The following PPP2R3A variants were observed in gnomAD, a reference collection of about 807,000 sequenced individuals.
PPP2R3A encodes the protein protein phosphatase 2 regulatory subunit B''alpha.
Under a neutral mutation model 106.9 loss-of-function variants are expected in PPP2R3A, and 80 were observed. The ratio of observed to expected loss-of-function variants is 0.75; its 90% CI spans 0.62 to 0.90. PPP2R3A has a LOEUF of 0.90. PPP2R3A is among the 40% of genes least tolerant of loss of function. The pLI is 0.00. For synonymous variants in PPP2R3A, 483 were observed against 468.3 expected (o/e 1.03, Z -0.41); for missense variants, 1,386 against 1,350.4 (o/e 1.03, Z -0.41).
chr3:136,033,856 T>G (rs1012503618), intron 3 of PPP2R3A, among the ~76,000 whole-genome samples: 3 of 151,974 alleles, frequency 2.0e-5, no homozygotes, highest in African/African-American at 7.2e-5. Context: ...CATTTATTTT[T>G]TGTATTTTTT....
At chr3:135,975,608 A>C (rs1937397051) in intron 1 of PPP2R3A, among the ~76,000 whole-genome samples, 1 of 152,170 alleles carries the variant, frequency 6.6e-6, no homozygotes, top group African/African-American at 2.4e-5. Context: ...GAAGAAAATA[A>C]AGTGGAGGGC....
intron 12 of PPP2R3A, among the ~76,000 whole-genome samples, chr3:136,104,769 C>G (rs1318520828): frequency 6.6e-6 from 1 of 152,086 alleles, no homozygotes; most frequent in Non-Finnish European, 1.5e-5. Flanking sequence ...TAACATTATT[C>G]TTGGCATAAC....
rs1169806652 is a variant in PPP2R3A at position 136,136,094 on chromosome 3, A to AT, written c.3330-8949_3330-8948insT. On this transcript the variant is annotated intron_variant, in intron 13 of 13. Coordinates refer to ENST00000264977, the MANE Select transcript of PPP2R3A (RefSeq NM_002718.5). The stretch of plus-strand genomic sequence containing the variant: ...AAAAATTATATATATATATATATAT[A>AT]AAAAACATCATGGTTAAGAGCATGA... Among the ~76,000 whole-genome samples, 68 of 142,244 alleles carry AT rather than the reference A, an allele frequency of 4.8e-4. 2 individuals carry two copies. Among genetic ancestry groups the AT allele is most frequent in the Non-Finnish European group, 2.0e-4 (13 of 65,948 alleles). The allele number at this position is 142,244 out of a possible 152,430, so 93.3% of individuals were successfully genotyped here.
intron 7 of PPP2R3A, among the ~76,000 whole-genome samples, chr3:136,080,580 C>T (rs76209247): frequency 0.021 from 3,249 of 152,286 alleles, 136 homozygotes; most frequent in African/African-American, 0.073. Context: ...CTGCTTCTTA[C>T]ATATCAAAGG....
Position 136,027,178 on chromosome 3 carries a change from CCCA to C in PPP2R3A, c.2262+83_2262+85del, listed in dbSNP as rs1310482839. The C allele has an allele frequency of 1.4e-5, 18 of 1,309,348 alleles. 1 individual carries two copies. The Admixed American group carries it at 3.7e-4, about 27-fold the overall frequency. 81.1% of individuals were successfully genotyped at this position (1,309,348 alleles called of 1,614,324 possible). ...CCTCCCCTTCTCTAGAAACCCGGAT[CCCA>C]CCCCCCTTCACTGCCTCTTTGCTCT... On this transcript the variant is annotated intron_variant, in intron 3 of 13. Coordinates refer to ENST00000264977, the MANE Select transcript of PPP2R3A (RefSeq NM_002718.5).
At chr3:135,981,038 A>G (rs1937533540) in intron 1 of PPP2R3A, among the ~76,000 whole-genome samples, 1 of 151,920 alleles carries the variant, frequency 6.6e-6, no homozygotes, top group Non-Finnish European at 1.5e-5. Context: ...AGAATGTCCT[A>G]AAATGTTTGG....
intron 1 of PPP2R3A, among the ~76,000 whole-genome samples, chr3:135,996,468 G>T (rs370606512): frequency 1.2e-4 from 19 of 152,294 alleles, no homozygotes; most frequent in Middle Eastern, 6.8e-3. Flanking sequence ...ATGATTTAAT[G>T]AAGTGTCCAC....
At chr3:136,025,702 G>A (rs1361035869) in intron 2 of PPP2R3A, among the ~76,000 whole-genome samples, 3 of 151,942 alleles carry the variant, frequency 2.0e-5, no homozygotes, top group Non-Finnish European at 4.4e-5. Context: ...GATGGCATTA[G>A]GGTAATTTAA....
At chr3:136,024,285 T>C (rs1393694779) in intron 2 of PPP2R3A, among the ~76,000 whole-genome samples, 1 of 152,172 alleles carries the variant, frequency 6.6e-6, no homozygotes, top group East Asian at 1.9e-4. Flanking sequence ...GTTTGTAAAC[T>C]ACCAGTTTTA....
intron 3 of PPP2R3A, among the ~76,000 whole-genome samples, chr3:136,036,821 A>C (rs1388062138): frequency 6.6e-6 from 1 of 151,648 alleles, no homozygotes; most frequent in Non-Finnish European, 1.5e-5. Context: ...ACTTTTTATT[A>C]CTCCTAATTC....
chr3:136,026,182 T>C (rs1934648680), intron 2 of PPP2R3A, among the ~76,000 whole-genome samples: 2 of 152,170 alleles, frequency 1.3e-5, no homozygotes, highest in African/African-American at 4.8e-5. Context: ...TTTTTGCCTA[T>C]TGGAGCAAAC....
At position 136,002,602 on chromosome 3, in the gene PPP2R3A, C is replaced by A; in HGVS notation, c.1104C>A (p.Ser368=). Residue 368 remains serine, a synonymous_variant, in exon 2 of 14, where the codon TCC becomes TCA. Coordinates refer to ENST00000264977, the MANE Select transcript of PPP2R3A (RefSeq NM_002718.5). The part of the protein sequence containing the change: ...PNSRKMDTVQ[S]IPNNSTNSLY... ...CTAGGAAGATGGACACTGTACAATC[C>A]ATTCCAAACAACTCCACAAATTCCT... 1.2e-6 allele frequency: 2 copies of A among 1,613,936 alleles called. No homozygotes were observed.
chr3:136,124,917 A>G (rs1938129157), intron 13 of PPP2R3A, among the ~76,000 whole-genome samples: 1 of 152,234 alleles, frequency 6.6e-6, no homozygotes, highest in Non-Finnish European at 1.5e-5. Context: ...AAAAAATGCT[A>G]GAAAAACTCA....
chr3:136,028,602 T>C (rs1019711061), intron 3 of PPP2R3A, among the ~76,000 whole-genome samples: 1 of 152,234 alleles, frequency 6.6e-6, no homozygotes, highest in African/African-American at 2.4e-5. Flanking sequence ...TAACTTCCAG[T>C]TAATAGCCAC....
chr3:136,095,489 C>T, intron 10 of PPP2R3A, among the ~76,000 whole-genome samples: 1 of 152,130 alleles, frequency 6.6e-6, no homozygotes, highest in East Asian at 1.9e-4. Flanking sequence ...GAAACAGAAG[C>T]TCTAAGAGAC....
chr3:136,128,668 C>T (rs1260326110), intron 13 of PPP2R3A, among the ~76,000 whole-genome samples: 2 of 152,184 alleles, frequency 1.3e-5, no homozygotes, highest in East Asian at 3.9e-4. Flanking sequence ...AACAAGCGAC[C>T]TAATAGACAT....
chr3:136,001,932 A>G lies in PPP2R3A; in HGVS notation c.434A>G (p.Lys145Arg), dbSNP rs369363512. 6.8e-6 allele frequency: 11 copies of G among 1,614,072 alleles called. No homozygotes were observed. In the African/African-American group the frequency reaches 1.3e-4, roughly 20 times the overall value. ...SNHAAYRKGRKVKSDSFNRRS... is the reference protein window; with the variant it reads ...SNHAAYRKGRRVKSDSFNRRS... ...CATGCAGCTTACAGAAAGGGAAGGAAAGTTAAGTCTGACTCATTTAATAGG... is the reference window on the plus strand; with the variant it reads ...CATGCAGCTTACAGAAAGGGAAGGAGAGTTAAGTCTGACTCATTTAATAGG... The change falls in exon 2 of 14, where the codon AAA becomes AGA. Residue 145 changes from lysine to arginine, a missense_variant. Lys to Arg is a conservative substitution (Grantham distance 26). Transcript: ENST00000264977.
chr3:136,024,908 G>A (rs905121106), intron 2 of PPP2R3A, among the ~76,000 whole-genome samples: 1 of 152,164 alleles, frequency 6.6e-6, no homozygotes, highest in African/African-American at 2.4e-5. Flanking sequence ...TTACGGGACT[G>A]TGTAATATTT....
At chr3:136,027,186 C>G (rs549525990) in intron 3 of PPP2R3A, 88 bp downstream of exon 3, 40 of 1,178,510 alleles carry the variant, frequency 3.4e-5, no homozygotes, top group East Asian at 1.3e-4. Context: ...ATCCCACCCC[C>G]CTTCACTGCC....
Sources: gnomAD v4.1 joint callset for allele counts (sites outside exome capture counted in the v4.1 genomes callset) on GRCh38, gnomAD v4.1.1 for gene constraint, MANE v1.5 for transcripts, NCBI Gene and HGNC (gene_info 2026-07-23, HGNC 2026-07-21) for gene names.